The following SCAMP1 variants were observed in gnomAD, a reference collection of about 807,000 sequenced individuals.
SCAMP1 encodes secretory carrier-associated membrane protein 1.
In SCAMP1, 15 loss-of-function variants were observed where a neutral mutation model predicts 41.8. That is an observed-to-expected ratio of 0.36 (90% confidence interval 0.24 to 0.55). The LOEUF is 0.55. Among genes scored for constraint, SCAMP1 ranks in the 20% least tolerant of loss-of-function variants. The pLI is 0.86. For synonymous variants in SCAMP1, 135 were observed against 136.8 expected (o/e 0.99, Z 0.09); for missense variants, 341 against 412.6 (o/e 0.83, Z 1.50).
At chr5:78,368,339 C>T (rs1047325039) in intron 1 of SCAMP1, among the ~76,000 whole-genome samples, 1 of 147,502 alleles carries the variant, frequency 6.8e-6, no homozygotes, top group African/African-American at 2.4e-5. Flanking sequence ...TATTTTGGCC[C>T]TGTAGCTTTA....
At chr5:78,458,140 G>A (rs913940836) in intron 7 of SCAMP1, among the ~76,000 whole-genome samples, 67 of 152,188 alleles carry the variant, frequency 4.4e-4, no homozygotes, top group African/African-American at 1.5e-3. Flanking sequence ...GAAATCACCC[G>A]TCTTCTGCGT....
At chr5:78,388,396 C>T (rs781293982) in intron 1 of SCAMP1, among the ~76,000 whole-genome samples, 1 of 152,150 alleles carries the variant, frequency 6.6e-6, no homozygotes, top group Non-Finnish European at 1.5e-5. Context: ...ATATTGAATG[C>T]TCTAGATGTT....
chr5:78,382,584 C>T (rs28735684), intron 1 of SCAMP1, among the ~76,000 whole-genome samples: 56,030 of 151,968 alleles, frequency 0.37, 12,431 homozygotes, highest in Non-Finnish European at 0.5. Context: ...CACCCTTTCC[C>T]ATGAGTCCCT....
At chr5:78,446,392 G>C (rs1383433972) in intron 6 of SCAMP1, among the ~76,000 whole-genome samples, 6 of 152,076 alleles carry the variant, frequency 3.9e-5, no homozygotes, top group African/African-American at 1.4e-4. Flanking sequence ...TGTTGTGAAG[G>C]CTGTAGACAT....
chr5:78,465,830 C>T (rs1753731346), intron 8 of SCAMP1, among the ~76,000 whole-genome samples: 1 of 152,170 alleles, frequency 6.6e-6, no homozygotes, highest in African/African-American at 2.4e-5. Context: ...AAACTCTGGT[C>T]CACAAGTGGG....
intron 1 of SCAMP1, among the ~76,000 whole-genome samples, chr5:78,382,933 T>G (rs936211219): frequency 1.3e-5 from 2 of 152,110 alleles, no homozygotes; most frequent in African/African-American, 4.8e-5. Context: ...CTTTTTCATA[T>G]AATGACTTCT....
chr5:78,434,246 C>T (rs1354314693), intron 6 of SCAMP1, among the ~76,000 whole-genome samples: 1 of 152,192 alleles, frequency 6.6e-6, no homozygotes, highest in Non-Finnish European at 1.5e-5. Context: ...AGCAATGCAT[C>T]ACAAGCTTTA....
intron 2 of SCAMP1, among the ~76,000 whole-genome samples, chr5:78,409,099 A>G (rs1279118950): frequency 3.9e-5 from 6 of 152,142 alleles, no homozygotes; most frequent in African/African-American, 7.2e-5. Flanking sequence ...TCAATCCCTT[A>G]CCATCCTTGT....
rs1751409276 is a variant in SCAMP1, at chr5:78,388,724, T to C, written c.58-113T>C. ...CTGAGAGCCTTCTTTTATTTTCCTC[T>C]GTTAGCCTTGCTGCATGACCACAAG... On this transcript the variant is annotated intron_variant, in intron 1 of 8. Coordinates refer to ENST00000621999, the MANE Select transcript of SCAMP1 (RefSeq NM_004866.6). 4 of 512,798 alleles carry C rather than the reference T, an allele frequency of 7.8e-6. No individual in the cohort carries two copies. The South Asian group carries it at 1.5e-4, about 19-fold the overall frequency. 31.8% of individuals were successfully genotyped at this position (512,798 alleles called of 1,614,324 possible).
At chr5:78,413,161 A>G (rs930112113) in intron 2 of SCAMP1, among the ~76,000 whole-genome samples, 2 of 152,002 alleles carry the variant, frequency 1.3e-5, no homozygotes, top group Non-Finnish European at 2.9e-5. Flanking sequence ...TTTTTCCTAT[A>G]TGAGTAACCA....
intron 6 of SCAMP1, among the ~76,000 whole-genome samples, chr5:78,442,460 TG>T (rs1752950037): frequency 6.6e-6 from 1 of 152,126 alleles, no homozygotes; most frequent in African/African-American, 2.4e-5. Context: ...AGTTTCACCA[TG>T]TTGGCCAGGC....
chr5:78,405,794 G>A lies in SCAMP1; in HGVS notation c.136-9726G>A, dbSNP rs1400213048. ...GATATGGTCACATTTGTTCTTTTAT[G>A]TTCCTTTATCTATTTGAAAACTCCC... On this transcript the variant is annotated intron_variant, in intron 2 of 8. Coordinates refer to ENST00000621999, the MANE Select transcript of SCAMP1 (RefSeq NM_004866.6). 2.0e-5 allele frequency among the ~76,000 whole-genome samples: 3 copies of A among 152,158 alleles called. No homozygotes were observed. In the East Asian group the frequency reaches 5.8e-4, roughly 29 times the overall value.
chr5:78,428,652 A>T (rs1379363419), intron 6 of SCAMP1, among the ~76,000 whole-genome samples: 1 of 152,154 alleles, frequency 6.6e-6, no homozygotes, highest in African/African-American at 2.4e-5. Flanking sequence ...AAAAATAAAA[A>T]TAAAAACCCT....
At chr5:78,366,467 A>G (rs1258138297) in intron 1 of SCAMP1, among the ~76,000 whole-genome samples, 12 of 151,846 alleles carry the variant, frequency 7.9e-5, no homozygotes, top group Non-Finnish European at 1.5e-5. Context: ...TTTAATAGGG[A>G]TATTAATCCC....
chr5:78,440,195 C>A (rs1329959530), intron 6 of SCAMP1, among the ~76,000 whole-genome samples: 1 of 152,172 alleles, frequency 6.6e-6, no homozygotes, highest in Non-Finnish European at 1.5e-5. Context: ...TCGTCTGAAG[C>A]CTTCTTCTCT....
chr5:78,414,157 A>G (rs987228868), intron 2 of SCAMP1, among the ~76,000 whole-genome samples: 1 of 151,912 alleles, frequency 6.6e-6, no homozygotes, highest in Non-Finnish European at 1.5e-5. Context: ...AGTCCGTCTG[A>G]TATCAGGTGG....
At chr5:78,363,838 A>G (rs1750725647) in intron 1 of SCAMP1, among the ~76,000 whole-genome samples, 1 of 151,962 alleles carries the variant, frequency 6.6e-6, no homozygotes, top group Admixed American at 6.6e-5. Context: ...CCCCTGCTTT[A>G]TATTCTAGTG....
chr5:78,387,683 G>A (rs28727880), intron 1 of SCAMP1, among the ~76,000 whole-genome samples: 56,204 of 151,984 alleles, frequency 0.37, 12,464 homozygotes, highest in Non-Finnish European at 0.5. Flanking sequence ...TTTCCTGTAC[G>A]GATGGGGCTT....
intron 2 of SCAMP1, among the ~76,000 whole-genome samples, chr5:78,399,567 A>G (rs1387375187): frequency 6.6e-6 from 1 of 152,170 alleles, no homozygotes; most frequent in Non-Finnish European, 1.5e-5. Context: ...ATGACATATG[A>G]TGTGGAGCAC....
Sources: allele counts gnomAD v4.1 joint callset (sites outside exome capture counted in the v4.1 genomes callset), GRCh38; gene constraint gnomAD v4.1.1; transcripts MANE v1.5; gene names NCBI Gene and HGNC (gene_info 2026-07-23, HGNC 2026-07-21).